Variants in ADGRG7 observed in about 807,000 individuals in gnomAD.
The protein encoded by ADGRG7 is G-protein coupled receptor 128.
Under a neutral mutation model 88.6 loss-of-function variants are expected in ADGRG7, and 82 were observed. The observed-to-expected ratio is 0.93, with a 90% CI of 0.77 to 1.11. The LOEUF (loss-of-function observed/expected upper bound fraction) is 1.11, where lower values mean the gene tolerates loss of function less well. Among genes scored for constraint, ADGRG7 ranks in the 50% most tolerant of loss-of-function variants. The pLI is 0.00. For missense variants in ADGRG7, 945 were observed against 953.4 expected, an observed-to-expected ratio of 0.99 and a Z score of 0.12; for synonymous variants, 381 against 345.2, an observed-to-expected ratio of 1.10 and a Z score of -1.15.
intron 1 of ADGRG7, among the ~76,000 whole-genome samples, chr3:100,627,974 A>T (rs1707403995): frequency 6.6e-6 from 1 of 151,978 alleles, no homozygotes; most frequent in South Asian, 2.1e-4. Context: ...TTATTTTTTT[A>T]AATCTTTTTT....
chr3:100,686,255 A>C (rs2094982440), intron 15 of ADGRG7, among the ~76,000 whole-genome samples: 1 of 151,980 alleles, frequency 6.6e-6, no homozygotes, highest in African/African-American at 2.4e-5. Context: ...GTTTGAGTTC[A>C]TTATAGATTC....
Position 100,633,391 on chromosome 3 carries a change from C to A in ADGRG7, c.447+14C>A. ...CTGGAAAAGCAGGTATGCCATATGACTCACTGATGGGCAACTGGAAGAAGT... is the reference window on the plus strand; with the variant it reads ...CTGGAAAAGCAGGTATGCCATATGAATCACTGATGGGCAACTGGAAGAAGT... On this transcript the variant is annotated intron_variant, in intron 4 of 15. Coordinates refer to ENST00000273352, the MANE Select transcript of ADGRG7 (RefSeq NM_032787.3). The A allele has an allele frequency of 1.4e-6, 2 of 1,431,356 alleles. No homozygotes were observed. The highest frequency in any genetic ancestry group is 1.9e-6 in the Non-Finnish European group (2 of 1,040,874). 88.7% of individuals were successfully genotyped at this position (1,431,356 alleles called of 1,614,324 possible). A position where few individuals can be genotyped will look rare whatever the true frequency, so the allele number is the denominator to read the frequency against.
chr3:100,637,506 AACTG>A, intron 6 of ADGRG7, 104 bp downstream of exon 6: 1 of 757,236 alleles, frequency 1.3e-6, no homozygotes, highest in Non-Finnish European at 2.2e-6. Flanking sequence ...TGGATGCAGT[AACTG>A]ACTGATTCCT....
At chr3:100,666,258 G>T (rs914866563) in intron 14 of ADGRG7, among the ~76,000 whole-genome samples, 1 of 152,104 alleles carries the variant, frequency 6.6e-6, no homozygotes, top group Non-Finnish European at 1.5e-5. Flanking sequence ...GGGACCCGGG[G>T]AACCAGCGTT....
At chr3:100,647,532 C>A (rs988615877) in intron 10 of ADGRG7, among the ~76,000 whole-genome samples, 1 of 152,150 alleles carries the variant, frequency 6.6e-6, no homozygotes, top group Non-Finnish European at 1.5e-5. Flanking sequence ...CCCCTAGTTT[C>A]TCCGTGTATT....
chr3:100,671,605 GTGTT>G (rs1559687463), intron 15 of ADGRG7, among the ~76,000 whole-genome samples: 5 of 152,128 alleles, frequency 3.3e-5, no homozygotes, highest in Admixed American at 2.0e-4. Flanking sequence ...ATTGCTTTTG[GTGTT>G]TTAGTCATGA....
intron 10 of ADGRG7, among the ~76,000 whole-genome samples, chr3:100,647,789 T>G (rs1209226154): frequency 1.3e-5 from 2 of 152,160 alleles, no homozygotes; most frequent in Non-Finnish European, 2.9e-5. Flanking sequence ...TTCTTCTCCT[T>G]AGTAAGGGAC....
At chr3:100,682,628 C>T (rs896936244) in intron 15 of ADGRG7, among the ~76,000 whole-genome samples, 16 of 152,204 alleles carry the variant, frequency 1.1e-4, no homozygotes, top group African/African-American at 3.6e-4. Context: ...AGGGGGAGCC[C>T]CAGGCTGCCC....
chr3:100,632,440 A>G (rs1053142579), intron 3 of ADGRG7, among the ~76,000 whole-genome samples: 2 of 152,146 alleles, frequency 1.3e-5, no homozygotes, highest in Admixed American at 1.3e-4. Context: ...ATACTTTTCA[A>G]TGATTTTTGA....
intron 15 of ADGRG7, among the ~76,000 whole-genome samples, chr3:100,683,730 T>C (rs1010441886): frequency 1.3e-5 from 2 of 152,354 alleles, no homozygotes; most frequent in African/African-American, 4.8e-5. Context: ...AAGGTGCCAC[T>C]GGCCACATAG....
In ADGRG7 at chr3:100,691,574, A is replaced by G. The variant is rs114201093; in HGVS notation, c.2137-3170A>G. Among the ~76,000 whole-genome samples, 1,072 of 152,002 alleles carry G rather than the reference A, an allele frequency of 7.1e-3. 17 individuals are homozygous for G. Among genetic ancestry groups the G allele is most frequent in the African/African-American group, 0.025 (1,017 of 41,462 alleles). ...ATTTTGAAACAATTTTAGATCCATA[A>G]GATGTTGCAAATAGTATGGAGAATT... On this transcript the variant is annotated intron_variant, in intron 15 of 15. Coordinates refer to ENST00000273352, the MANE Select transcript of ADGRG7 (RefSeq NM_032787.3).
chr3:100,682,566 G>T (rs1053980591), intron 15 of ADGRG7, among the ~76,000 whole-genome samples: 4 of 152,208 alleles, frequency 2.6e-5, no homozygotes, highest in South Asian at 4.1e-4. Context: ...CAGGCCCAGG[G>T]CCCACGATCT....
Position 100,630,731 on chromosome 3 carries a change from A to T in ADGRG7, c.256A>T (p.Met86Leu). Residue 86 changes from methionine to leucine, a missense_variant, in exon 3 of 16, where the codon ATG becomes TTG. Transcript: ENST00000273352. ...TAATTTTTGTGAAAATAGTACCTAT[A>T]TGGGTTTTACTTTTGCCAGAATCCC... ...IANFCENSTYMGFTFARIPVG... is the reference protein window; with the variant it reads ...IANFCENSTYLGFTFARIPVG... 6.9e-7 allele frequency: 1 copy of T among 1,457,400 alleles called. No homozygotes were observed. Among genetic ancestry groups the T allele is most frequent in the Non-Finnish European group, 9.1e-7 (1 of 1,101,272 alleles). 90.3% of individuals were successfully genotyped at this position (1,457,400 alleles called of 1,614,324 possible).
At chr3:100,639,008 T>C (rs925260200) in intron 6 of ADGRG7, among the ~76,000 whole-genome samples, 2 of 134,240 alleles carry the variant, frequency 1.5e-5, no homozygotes, top group Non-Finnish European at 3.1e-5. Flanking sequence ...TTCCCTCTGT[T>C]TCTGTGTGTG....
chr3:100,627,741 T>C (rs1707399332), intron 1 of ADGRG7, among the ~76,000 whole-genome samples: 1 of 152,202 alleles, frequency 6.6e-6, no homozygotes, highest in Non-Finnish European at 1.5e-5. Flanking sequence ...TGACTGACTG[T>C]GAAGTGTCTA....
chr3:100,611,097 A>G (rs1336175801), intron 1 of ADGRG7, among the ~76,000 whole-genome samples: 1 of 152,226 alleles, frequency 6.6e-6, no homozygotes. Context: ...TTAAACTTGG[A>G]GCAAATGTGT....
intron 15 of ADGRG7, among the ~76,000 whole-genome samples, chr3:100,688,638 A>G (rs1474385760): frequency 2.0e-5 from 3 of 152,182 alleles, no homozygotes; most frequent in African/African-American, 4.8e-5. Context: ...TTATGTACCC[A>G]GTATTCATTC....
intron 1 of ADGRG7, among the ~76,000 whole-genome samples, chr3:100,628,375 T>G (rs560942397): frequency 4.6e-5 from 3 of 65,266 alleles, no homozygotes; most frequent in South Asian, 3.3e-4. Flanking sequence ...GTTTTTTTTG[T>G]TTTTTTTTTG....
chr3:100,665,186 G>A (rs766255127), intron 14 of ADGRG7: 13 of 539,674 alleles, frequency 2.4e-5, no homozygotes, highest in Non-Finnish European at 3.4e-5. Context: ...TTGTTGTTCA[G>A]GCTTACATCC....
Sources: allele counts gnomAD v4.1 joint callset (sites outside exome capture counted in the v4.1 genomes callset), GRCh38; gene constraint gnomAD v4.1.1; transcripts MANE v1.5; gene names NCBI Gene and HGNC (gene_info 2026-07-23, HGNC 2026-07-21).